The following RXFP1 variants were observed in gnomAD, a reference collection of about 807,000 sequenced individuals.
RXFP1 encodes relaxin receptor 1.
In RXFP1, 73 loss-of-function variants were observed where a neutral mutation model predicts 89.8. The ratio of observed to expected loss-of-function variants is 0.81; its 90% confidence interval spans 0.67 to 0.99. The LOEUF is 0.99. RXFP1 is among the 50% of genes least tolerant of loss of function. RXFP1 has a pLI of 0.00. For synonymous variants in RXFP1, 277 were observed against 305.5 expected, an observed-to-expected ratio of 0.91 and a Z score of 0.97; for missense variants, 793 against 895.5, an observed-to-expected ratio of 0.89 and a Z score of 1.46.
At chr4:158,527,613 C>A (rs1742926524) in intron 1 of RXFP1, among the ~76,000 whole-genome samples, 1 of 145,010 alleles carries the variant, frequency 6.9e-6, no homozygotes, top group Admixed American at 7.0e-5. Flanking sequence ...CTAATCTTTT[C>A]CCTTGGTTCT....
At chr4:158,637,702 A>C (rs774300882) in intron 12 of RXFP1, among the ~76,000 whole-genome samples, 2 of 152,026 alleles carry the variant, frequency 1.3e-5, no homozygotes, top group Non-Finnish European at 2.9e-5. Context: ...CACTCTGTTG[A>C]TTGTTTCCTT....
chr4:158,572,656 T>C, intron 1 of RXFP1, 42 bp from the exon 2 acceptor site: 1 of 1,589,734 alleles, frequency 6.3e-7, no homozygotes, highest in Non-Finnish European at 8.6e-7. Context: ...CGCCTTTGTA[T>C]TAACCACCTT....
chr4:158,585,999 C>T (rs1253440929), intron 2 of RXFP1, among the ~76,000 whole-genome samples: 1 of 152,174 alleles, frequency 6.6e-6, no homozygotes, highest in East Asian at 1.9e-4. Flanking sequence ...GTGAGAAGGA[C>T]CCTAGTTGAC....
At chr4:158,650,225 G>A (rs1320070376) in intron 17 of RXFP1, among the ~76,000 whole-genome samples, 1 of 152,002 alleles carries the variant, frequency 6.6e-6, no homozygotes, top group African/African-American at 2.4e-5. Context: ...CTAGGGGTTG[G>A]GGGAAGGGAG....
chr4:158,625,400 T>G (rs183695597), intron 9 of RXFP1, among the ~76,000 whole-genome samples: 2 of 152,256 alleles, frequency 1.3e-5, no homozygotes, highest in Admixed American at 1.3e-4. Flanking sequence ...TCTCTGGATA[T>G]CATAGATTGC....
At chr4:158,606,734 C>T (rs766674592) in intron 5 of RXFP1, among the ~76,000 whole-genome samples, 39 of 151,604 alleles carry the variant, frequency 2.6e-4, no homozygotes, top group Non-Finnish European at 4.6e-4. Context: ...CAGGCATGTG[C>T]CACCACACCT....
Position 158,647,014 on chromosome 4 carries a change from T to C in RXFP1, c.1569T>C (p.Pro523=). Residue 523 remains proline (P), a synonymous_variant, in exon 16 of 18, where the codon CCT becomes CCC. Coordinates refer to ENST00000307765, the MANE Select transcript of RXFP1 (RefSeq NM_021634.4). ...TCTATCCTTTTAGATGTGTGAGACC[T>C]GGAAAATGCAGAACAATTACAGTTC... The part of the protein sequence containing the change: ...CIVYPFRCVR[P]GKCRTITVLI... 1.2e-6 allele frequency: 2 copies of C among 1,614,156 alleles called. No homozygotes were observed. The highest frequency in any genetic ancestry group is 1.7e-6 in the Non-Finnish European group (2 of 1,179,996).
chr4:158,540,577 C>T (rs1178843343), intron 1 of RXFP1, among the ~76,000 whole-genome samples: 2 of 150,504 alleles, frequency 1.3e-5, no homozygotes, highest in African/African-American at 4.9e-5. Flanking sequence ...CCTATCTCAT[C>T]CTGTGACTAA....
intron 1 of RXFP1, chr4:158,544,023 T>G (rs1747536534): frequency 1.0e-6 from 1 of 985,430 alleles, no homozygotes; most frequent in Non-Finnish European, 1.2e-6. Context: ...AATATAAAGA[T>G]TCCCATGAGA....
chr4:158,550,709 T>G (rs1408677245), intron 1 of RXFP1, among the ~76,000 whole-genome samples: 2 of 152,198 alleles, frequency 1.3e-5, no homozygotes, highest in Non-Finnish European at 2.9e-5. Context: ...CTTTCAGGGC[T>G]CATAAGCTAG....
intron 11 of RXFP1, among the ~76,000 whole-genome samples, chr4:158,631,786 A>G (rs1768080153): frequency 6.6e-6 from 1 of 152,194 alleles, no homozygotes; most frequent in Non-Finnish European, 1.5e-5. Context: ...ATGGCAAGAC[A>G]TTTGAATATT....
chr4:158,529,503 G>A lies in RXFP1; in HGVS notation c.49+7478G>A, dbSNP rs148962171. ...TCGAACTCCTGGGCTCAAGCCATCC[G>A]CCCACCTCAGCCTCTCAAATCTCTG... is the stretch of plus-strand genomic sequence containing the variant. On this transcript the variant is annotated intron_variant, in intron 1 of 17. Coordinates refer to ENST00000307765, the MANE Select transcript of RXFP1 (RefSeq NM_021634.4). 3.0e-4 allele frequency among the ~76,000 whole-genome samples: 46 copies of A among 151,864 alleles called. No individual in the cohort carries two copies. The East Asian group carries it at 7.2e-3, about 24-fold the overall frequency.
Position 158,614,727 on chromosome 4 carries a change from T to A in RXFP1, c.680+2365T>A, listed in dbSNP as rs1402875105. 2.6e-5 allele frequency among the ~76,000 whole-genome samples: 4 copies of A among 152,214 alleles called. No homozygotes were observed. The East Asian group carries it at 7.7e-4, about 29-fold the overall frequency. On this transcript the variant is annotated intron_variant, in intron 8 of 17. Transcript: ENST00000307765. Reference sequence around the variant, plus strand: ...AAGGCTGTCTTACTTTCCTATCATTTGTGTGTTCATTGGAGTAGCACTTCT... The same window carrying A: ...AAGGCTGTCTTACTTTCCTATCATTAGTGTGTTCATTGGAGTAGCACTTCT...
chr4:158,568,135 A>T (rs1754110804), intron 1 of RXFP1, among the ~76,000 whole-genome samples: 1 of 152,194 alleles, frequency 6.6e-6, no homozygotes, highest in Non-Finnish European at 1.5e-5. Flanking sequence ...AGCCAGTGAG[A>T]CCACGAACCC....
In RXFP1 at chr4:158,605,438, G is replaced by A. The variant is rs539869685; in HGVS notation, c.464+299G>A. Among the ~76,000 whole-genome samples, 6 of 152,246 alleles carry A rather than the reference G, an allele frequency of 3.9e-5. No homozygotes were observed. The East Asian group carries it at 7.7e-4, about 20-fold the overall frequency. On this transcript the variant is annotated intron_variant, in intron 5 of 17. Transcript: ENST00000307765. ...ATACTTAGAAGCTTTTATCCTCTGC[G>A]TTATTCTAGCATGGAATACCTCAAT...
chr4:158,631,316 G>T (rs1767980502), intron 11 of RXFP1, among the ~76,000 whole-genome samples: 1 of 152,294 alleles, frequency 6.6e-6, no homozygotes, highest in Admixed American at 6.5e-5. Flanking sequence ...AACTGAAATT[G>T]TGCCCCACTT....
intron 1 of RXFP1, among the ~76,000 whole-genome samples, chr4:158,545,455 TA>T (rs1748063586): frequency 6.6e-6 from 1 of 152,214 alleles, no homozygotes; most frequent in Admixed American, 6.5e-5. Context: ...TTAGTTTAAT[TA>T]TATCCTGTTT....
At chr4:158,592,210 C>A (rs549012472) in intron 2 of RXFP1, among the ~76,000 whole-genome samples, 34 of 152,144 alleles carry the variant, frequency 2.2e-4, no homozygotes, top group African/African-American at 7.9e-4. Context: ...ACTTTAGATA[C>A]CATGGTGCCT....
chr4:158,558,684 T>C (rs79788865), intron 1 of RXFP1, among the ~76,000 whole-genome samples: 2 of 152,274 alleles, frequency 1.3e-5, no homozygotes, highest in East Asian at 3.9e-4. Flanking sequence ...TAATCAAAAC[T>C]TAACATAGAT....
Sources: allele counts gnomAD v4.1 joint callset (sites outside exome capture counted in the v4.1 genomes callset), GRCh38; gene constraint gnomAD v4.1.1; transcripts MANE v1.5; gene names NCBI Gene and HGNC (gene_info 2026-07-23, HGNC 2026-07-21).